Variants in SLC15A5 observed in about 807,000 individuals in gnomAD.
The protein encoded by SLC15A5 is Peptide/histidine transporter ENSP00000340402.
Under a neutral mutation model 56.1 loss-of-function variants are expected in SLC15A5, and 58 were observed. That is an observed-to-expected ratio of 1.03 (90% CI 0.84 to 1.29). The LOEUF is 1.29. SLC15A5 is among the 50% of genes most tolerant of loss of function. The probability of loss-of-function intolerance (pLI) is 0.00; values close to 1 mark genes in which losing one functional copy is unlikely to be tolerated. For missense variants in SLC15A5, 681 were observed against 672.1 expected, an observed-to-expected ratio of 1.01 and a Z score of -0.15; for synonymous variants, 264 against 250.5, an observed-to-expected ratio of 1.05 and a Z score of -0.51.
chr12:16,227,588 C>T (rs1043964303), intron 5 of SLC15A5, among the ~76,000 whole-genome samples: 1 of 152,068 alleles, frequency 6.6e-6, no homozygotes, highest in African/African-American at 2.4e-5. Context: ...AAAGGGACAG[C>T]GTTGTGAAAG....
Position 16,257,688 on chromosome 12 carries a change from A to C in SLC15A5, c.754+13T>G, listed in dbSNP as rs569298183. ...ATAAACCCAGAAATCAATGTAACGCATAATTTACTTACGTTTTTCTGACTG... is the reference window on the plus strand; with the variant it reads ...ATAAACCCAGAAATCAATGTAACGCCTAATTTACTTACGTTTTTCTGACTG... On this transcript the variant is annotated intron_variant, in intron 3 of 8. Transcript: ENST00000344941. 3 of 1,444,730 alleles carry C rather than the reference A, an allele frequency of 2.1e-6. No individual in the cohort carries two copies. The highest frequency in any genetic ancestry group is 2.9e-5 in the South Asian group (2 of 68,242). 89.5% of individuals were successfully genotyped at this position (1,444,730 alleles called of 1,614,324 possible). A position where few individuals can be genotyped will look rare whatever the true frequency, so the allele number is the denominator to read the frequency against.
At chr12:16,206,539 A>G (rs1345797874) in intron 7 of SLC15A5, among the ~76,000 whole-genome samples, 1 of 152,148 alleles carries the variant, frequency 6.6e-6, no homozygotes, top group African/African-American at 2.4e-5. Context: ...TATTTATCTA[A>G]TAAGGACTCA....
chr12:16,248,466 A>C (rs1160385519), intron 3 of SLC15A5, among the ~76,000 whole-genome samples: 2 of 152,088 alleles, frequency 1.3e-5, no homozygotes, highest in East Asian at 1.9e-4. Context: ...ATGGGTTGTA[A>C]GAGGGAAAGA....
intron 7 of SLC15A5, among the ~76,000 whole-genome samples, chr12:16,216,295 T>C (rs960390939): frequency 2.0e-5 from 3 of 152,200 alleles, no homozygotes; most frequent in African/African-American, 7.2e-5. Flanking sequence ...CTGTTGTTTT[T>C]ACCAACACGT....
At chr12:16,190,007 G>C (rs1390744796) in intron 8 of SLC15A5, among the ~76,000 whole-genome samples, 192 bp from the exon 9 acceptor site, 2 of 152,140 alleles carry the variant, frequency 1.3e-5, no homozygotes, top group African/African-American at 2.4e-5. Flanking sequence ...TTGTGACTTA[G>C]TAAAGTGTCT....
chr12:16,241,841 A>G (rs1315489919), intron 4 of SLC15A5, among the ~76,000 whole-genome samples: 2 of 151,552 alleles, frequency 1.3e-5, no homozygotes, highest in Non-Finnish European at 2.9e-5. Flanking sequence ...TAACTTAATA[A>G]TGTGGCAAAT....
chr12:16,277,271 C>G, intron 1 of SLC15A5, 54 bp downstream of exon 1: 1 of 1,428,348 alleles, frequency 7.0e-7, no homozygotes, highest in Non-Finnish European at 9.1e-7. Flanking sequence ...AAAATTCTAA[C>G]AAAAATCTAC....
At position 16,268,013 on chromosome 12, in the gene SLC15A5, G is replaced by T; in HGVS notation, c.584+4548C>A. Reference sequence around the variant, plus strand: ...GGCCTCCCAGAGCCCAGGGATTCAGGTGTGAGTCACTGTGCCTGGCCAACA... The same window carrying T: ...GGCCTCCCAGAGCCCAGGGATTCAGTTGTGAGTCACTGTGCCTGGCCAACA... On this transcript the variant is annotated intron_variant, in intron 2 of 8. Coordinates refer to ENST00000344941, the MANE Select transcript of SLC15A5 (RefSeq NM_001170798.1). 1.8e-5 allele frequency among the ~76,000 whole-genome samples: 2 copies of T among 114,216 alleles called. 1 individual carries two copies. Among genetic ancestry groups the T allele is most frequent in the Non-Finnish European group, 3.7e-5 (2 of 54,098 alleles). The allele number at this position is 114,216 out of a possible 152,430, so 74.9% of individuals were successfully genotyped here. A position where few individuals can be genotyped will look rare whatever the true frequency, so the allele number is the denominator to read the frequency against.
intron 8 of SLC15A5, among the ~76,000 whole-genome samples, chr12:16,193,798 A>C (rs1005357675): frequency 0.011 from 368 of 32,858 alleles, 15 homozygotes; most frequent in South Asian, 0.022. Flanking sequence ...AGAGAGAGAG[A>C]GAGAGAGAGA....
intron 7 of SLC15A5, among the ~76,000 whole-genome samples, chr12:16,214,822 A>G (rs1191466549): frequency 1.3e-5 from 2 of 152,098 alleles, no homozygotes; most frequent in African/African-American, 4.8e-5. Context: ...TACCTGAGGG[A>G]GTCTGTGGGG....
intron 4 of SLC15A5, among the ~76,000 whole-genome samples, chr12:16,240,461 A>G (rs1864402496): frequency 6.6e-6 from 1 of 152,142 alleles, no homozygotes; most frequent in Non-Finnish European, 1.5e-5. Flanking sequence ...AGGAAAAAAA[A>G]ACCTTGTGTC....
At chr12:16,231,703 T>G (rs1003570548) in intron 5 of SLC15A5, among the ~76,000 whole-genome samples, 1 of 152,196 alleles carries the variant, frequency 6.6e-6, no homozygotes, top group East Asian at 1.9e-4. Context: ...AGATTACTTT[T>G]CAGAATTTAA....
At chr12:16,234,975 T>G (rs1864332867) in intron 5 of SLC15A5, among the ~76,000 whole-genome samples, 1 of 152,068 alleles carries the variant, frequency 6.6e-6, no homozygotes, top group Non-Finnish European at 1.5e-5. Flanking sequence ...AAGTATGAAA[T>G]TCTATGGAGT....
chr12:16,199,439 G>A (rs766409741), intron 7 of SLC15A5, among the ~76,000 whole-genome samples: 1 of 151,976 alleles, frequency 6.6e-6, no homozygotes, highest in Non-Finnish European at 1.5e-5. Context: ...ATCAAGGTCA[G>A]TTCTAGAGAA....
rs1350304714 is a variant in SLC15A5, at chr12:16,188,677, AC to A, written c.*990del. The A allele has an allele frequency of 6.6e-6, 1 of 152,188 alleles. No individual in the cohort carries two copies. Among genetic ancestry groups the A allele is most frequent in the East Asian group, 1.9e-4 (1 of 5,196 alleles). The allele number at this position is 152,188 out of a possible 1,614,324, so 9.4% of individuals were successfully genotyped here. ...TGATTTGGGTGTGCTTATTAAAACCACCAATTGCTGGACCCCAATCTCAAAA... is the reference window on the plus strand; with the variant it reads ...TGATTTGGGTGTGCTTATTAAAACCACAATTGCTGGACCCCAATCTCAAAA... On this transcript the variant is annotated 3_prime_UTR_variant, in exon 9 of 9. Transcript: ENST00000344941.
At chr12:16,244,510 A>G (rs1279612186) in intron 4 of SLC15A5, 70 bp downstream of exon 4, 4 of 1,384,196 alleles carry the variant, frequency 2.9e-6, no homozygotes, top group Non-Finnish European at 3.0e-6. Context: ...GAGAAAATTC[A>G]CCTTGACTTG....
chr12:16,240,634 A>G (rs1864405095), intron 4 of SLC15A5, among the ~76,000 whole-genome samples: 2 of 152,142 alleles, frequency 1.3e-5, no homozygotes, highest in African/African-American at 4.8e-5. Flanking sequence ...CATTTTAAAA[A>G]TAACCCCAAT....
chr12:16,220,634 A>G (rs1864176664), intron 6 of SLC15A5, among the ~76,000 whole-genome samples: 1 of 152,236 alleles, frequency 6.6e-6, no homozygotes, highest in Non-Finnish European at 1.5e-5. Context: ...TCATACCACA[A>G]TGACATAGTT....
At chr12:16,218,508 T>C (rs542014041) in intron 6 of SLC15A5, among the ~76,000 whole-genome samples, 8 of 152,180 alleles carry the variant, frequency 5.3e-5, no homozygotes, top group Non-Finnish European at 1.2e-4. Flanking sequence ...CAAACCTATA[T>C]GGTCTAGCCT....
Sources: gnomAD v4.1 joint callset for allele counts (sites outside exome capture counted in the v4.1 genomes callset) on GRCh38, gnomAD v4.1.1 for gene constraint, MANE v1.5 for transcripts, NCBI Gene and HGNC (gene_info 2026-07-23, HGNC 2026-07-21) for gene names.